HIGD1C: variants seen among roughly 807,000 people sequenced by gnomAD.
The protein encoded by HIGD1C is HIG1 domain family member 1C.
HIGD1C carries 11 observed loss-of-function variants against 13.1 expected under a neutral mutation model. The ratio of observed to expected loss-of-function variants is 0.84; its 90% confidence interval spans 0.53 to 1.39. The LOEUF (loss-of-function observed/expected upper bound fraction) is 1.39, where lower values mean the gene tolerates loss of function less well. Ranked by LOEUF, HIGD1C falls within the 40% of genes most tolerant of loss-of-function variation. The probability of loss-of-function intolerance (pLI) is 0.00; values close to 1 mark genes in which losing one functional copy is unlikely to be tolerated. For synonymous variants in HIGD1C, 36 were observed against 37.7 expected (o/e 0.95, Z 0.17); for missense variants, 110 against 112.0 (o/e 0.98, Z 0.08).
the HIGD1C span, among the ~76,000 whole-genome samples, chr12:50,938,068 G>A: frequency 6.6e-6 from 1 of 152,084 alleles, no homozygotes; most frequent in Non-Finnish European, 1.5e-5. Context: ...GTTTCACTGG[G>A]TACCTGCCCC....
the HIGD1C span, among the ~76,000 whole-genome samples, chr12:50,933,239 CCTT>C: frequency 6.6e-6 from 1 of 152,154 alleles, no homozygotes; most frequent in Non-Finnish European, 1.5e-5. Context: ...TGCCATAACA[CCTT>C]CTTTTACTGC....
At chr12:50,946,110 C>T in the HIGD1C span, among the ~76,000 whole-genome samples, 4 of 152,266 alleles carry the variant, frequency 2.6e-5, no homozygotes, top group African/African-American at 9.6e-5. Context: ...ACATGTTAGA[C>T]ATAAACCATA....
the HIGD1C span, among the ~76,000 whole-genome samples, chr12:50,942,867 CTTTT>C: frequency 7.1e-6 from 1 of 140,332 alleles, no homozygotes; most frequent in Admixed American, 7.2e-5. Flanking sequence ...TTTCTCTTCT[CTTTT>C]TTTTTTTTTT....
At chr12:50,965,520 A>T (rs1939508009) in intron 2 of HIGD1C, among the ~76,000 whole-genome samples, 1 of 152,090 alleles carries the variant, frequency 6.6e-6, no homozygotes, top group African/African-American at 2.4e-5. Context: ...ACAGTTGATG[A>T]GTATGTCTAT....
At chr12:50,947,439 T>C in the HIGD1C span, among the ~76,000 whole-genome samples, 7 of 152,140 alleles carry the variant, frequency 4.6e-5, no homozygotes, top group African/African-American at 1.7e-4. Context: ...ACATGGTTCC[T>C]TCCTCCATTT....
chr12:50,941,102 G>A, the HIGD1C span, among the ~76,000 whole-genome samples: 3 of 152,056 alleles, frequency 2.0e-5, no homozygotes, highest in East Asian at 5.8e-4. Context: ...TGGCCCTCAA[G>A]CAATCCTCCC....
the HIGD1C span, among the ~76,000 whole-genome samples, chr12:50,934,106 A>G: frequency 6.6e-6 from 1 of 152,204 alleles, no homozygotes; most frequent in East Asian, 1.9e-4. Flanking sequence ...TGAATTTGCA[A>G]TGGATGCTAG....
the HIGD1C span, among the ~76,000 whole-genome samples, chr12:50,944,212 G>A: frequency 6.6e-6 from 1 of 152,010 alleles, no homozygotes; most frequent in South Asian, 2.1e-4. Flanking sequence ...AATACCCCTG[G>A]GCTCTTGATT....
chr12:50,949,332 AGC>A, upstream of HIGD1C: 1 of 152,038 alleles, frequency 6.6e-6, no homozygotes, highest in African/African-American at 2.5e-5. Flanking sequence ...GATCACACTG[AGC>A]TCTGCAATGC....
downstream of HIGD1C, among the ~76,000 whole-genome samples, chr12:50,972,349 T>G (rs1939783224): frequency 6.6e-6 from 1 of 152,216 alleles, no homozygotes; most frequent in Non-Finnish European, 1.5e-5. Flanking sequence ...AAAGCAATGC[T>G]AAGTATTCAT....
chr12:50,953,522 C>A (rs1458841067), upstream of HIGD1C, among the ~76,000 whole-genome samples: 1 of 152,196 alleles, frequency 6.6e-6, no homozygotes, highest in Non-Finnish European at 1.5e-5. Context: ...CTTTATAATG[C>A]CCTGCACATT....
At chr12:50,965,548 G>C (rs140806060) in intron 2 of HIGD1C, among the ~76,000 whole-genome samples, 6 of 152,202 alleles carry the variant, frequency 3.9e-5, no homozygotes, top group African/African-American at 1.4e-4. Flanking sequence ...ACACATTCCA[G>C]AACTGAGGAA....
intron 1 of HIGD1C, among the ~76,000 whole-genome samples, chr12:50,959,212 C>T (rs12810431): frequency 3.3e-5 from 5 of 151,684 alleles, no homozygotes; most frequent in East Asian, 2.0e-4. Context: ...CTCTGCCTCC[C>T]GGGTTCAAGC....
the HIGD1C span, among the ~76,000 whole-genome samples, chr12:50,946,470 A>G: frequency 1.3e-5 from 2 of 152,230 alleles, no homozygotes; most frequent in Non-Finnish European, 1.5e-5. Context: ...GCCAACAGAC[A>G]CATGAAAAAA....
At chr12:50,950,890 G>A (rs829016), upstream of HIGD1C, among the ~76,000 whole-genome samples, 13,482 of 151,698 alleles carry the variant, frequency 0.089, 869 homozygotes, top group African/African-American at 0.18. Context: ...ATGTTAGCCC[G>A]GCTGGTCTTG....
chr12:50,950,271 A>G (rs12809226), upstream of HIGD1C, among the ~76,000 whole-genome samples: 51,903 of 151,974 alleles, frequency 0.34, 9,277 homozygotes, highest in East Asian at 0.61. Context: ...GCTGATACAG[A>G]TATTGAATGA....
At chr12:50,969,740 A>ATAATGAAT (rs1216279685) in intron 2 of HIGD1C, among the ~76,000 whole-genome samples, 3 of 152,052 alleles carry the variant, frequency 2.0e-5, no homozygotes, top group African/African-American at 7.2e-5. Flanking sequence ...CATACTTACA[A>ATAATGAAT]TAATGAATAT....
At chr12:50,941,374 G>A in the HIGD1C span, among the ~76,000 whole-genome samples, 1 of 152,178 alleles carries the variant, frequency 6.6e-6, no homozygotes, top group African/African-American at 2.4e-5. Flanking sequence ...TTTTGCCACT[G>A]TGCTTTTATT....
chr12:50,931,385 T>A, the HIGD1C span: 1 of 152,008 alleles, frequency 6.6e-6, no homozygotes, highest in Non-Finnish European at 1.5e-5. Flanking sequence ...GCACAGATTT[T>A]TTCTTTCTGC....
Sources: gnomAD v4.1 joint callset for allele counts (sites outside exome capture counted in the v4.1 genomes callset) on GRCh38, gnomAD v4.1.1 for gene constraint, MANE v1.5 for transcripts, NCBI Gene and HGNC (gene_info 2026-07-23, HGNC 2026-07-21) for gene names.